The following LINGO2 variants were observed in gnomAD, a reference collection of about 807,000 sequenced individuals.
The protein encoded by LINGO2 is leucine-rich repeat and immunoglobulin-like domain-containing nogo receptor-interacting protein 2.
In LINGO2, 14 loss-of-function variants were observed where a neutral mutation model predicts 30.6. The ratio of observed to expected loss-of-function variants is 0.46; its 90% CI spans 0.30 to 0.72. The LOEUF is 0.72. Among genes scored for constraint, LINGO2 ranks in the 30% least tolerant of loss-of-function variants. LINGO2 has a pLI of 0.07. For synonymous variants in LINGO2, 317 were observed against 288.5 expected, an observed-to-expected ratio of 1.10 and a Z score of -1.00; for missense variants, 729 against 751.7, an observed-to-expected ratio of 0.97 and a Z score of 0.35.
chr9:28,433,949 C>CTCTATATATA (rs1225323260), intron 2 of LINGO2, among the ~76,000 whole-genome samples: 7 of 88,548 alleles, frequency 7.9e-5, no homozygotes, highest in African/African-American at 3.1e-4. Flanking sequence ...CTCTCTCTCT[C>CTCTATATATA]TATATATATA....
intron 3 of LINGO2, among the ~76,000 whole-genome samples, chr9:28,300,976 A>T (rs1333144852): frequency 6.6e-6 from 1 of 151,906 alleles, no homozygotes; most frequent in African/African-American, 2.4e-5. Context: ...CAAACAAAAT[A>T]TAATTATCAT....
the LINGO2 span, among the ~76,000 whole-genome samples, chr9:29,190,507 T>G: frequency 6.6e-6 from 1 of 152,166 alleles, no homozygotes; most frequent in Admixed American, 6.5e-5. Context: ...CTTATTTAGT[T>G]ATTCCCAGTG....
At chr9:28,751,895 T>C in the LINGO2 span, among the ~76,000 whole-genome samples, 3 of 152,016 alleles carry the variant, frequency 2.0e-5, no homozygotes, top group Non-Finnish European at 4.4e-5. Context: ...TGTTTTGCCA[T>C]GAATAATAAT....
the LINGO2 span, among the ~76,000 whole-genome samples, chr9:28,884,918 A>G: frequency 5.7e-4 from 12 of 21,190 alleles, no homozygotes; most frequent in Admixed American, 6.1e-3. Context: ...GTATTTAGAT[A>G]CTATATATAA....
At position 27,950,529 on chromosome 9, in the gene LINGO2, A is replaced by T; in HGVS notation, c.143T>A (p.Leu48Ter). The change falls in exon 6 of 6, where the codon TTG becomes TAG. Residue 48 changes from leucine to a stop codon, truncating the protein, a stop_gained. Transcript: ENST00000379992. LOFTEE classifies it high-confidence loss of function. Reference sequence around the variant, plus strand: ...GGGAATGCCCTCTGGGATGGCGATCAATCGCCTTCTGTGACAGCTAACAGA... The same window carrying T: ...GGGAATGCCCTCTGGGATGGCGATCTATCGCCTTCTGTGACAGCTAACAGA... The T allele has an allele frequency of 6.4e-7, 1 of 1,573,820 alleles. No individual in the cohort carries two copies. The highest frequency in any genetic ancestry group is 8.6e-7 in the Non-Finnish European group (1 of 1,158,714).
chr9:28,844,736 A>G, the LINGO2 span, among the ~76,000 whole-genome samples: 1 of 151,760 alleles, frequency 6.6e-6, no homozygotes, highest in Admixed American at 6.6e-5. Context: ...GAAAGAAGTA[A>G]AGTAGACTAT....
chr9:28,178,279 TATATTA>T (rs1828803707), intron 4 of LINGO2, among the ~76,000 whole-genome samples: 2 of 152,158 alleles, frequency 1.3e-5, no homozygotes, highest in Admixed American at 1.3e-4. Context: ...GCGTATACAT[TATATTA>T]AAATGTCTGG....
intron 2 of LINGO2, among the ~76,000 whole-genome samples, chr9:28,448,454 G>A (rs900682725): frequency 5.3e-5 from 8 of 152,138 alleles, no homozygotes; most frequent in Admixed American, 2.6e-4. Context: ...AAGACAAAAC[G>A]CATGCAAAAG....
At chr9:28,544,874 G>C (rs1398877280) in intron 1 of LINGO2, among the ~76,000 whole-genome samples, 4 of 150,872 alleles carry the variant, frequency 2.7e-5, no homozygotes, top group African/African-American at 9.7e-5. Flanking sequence ...TTTTGAATTG[G>C]GGGAACTTAA....
chr9:28,517,213 C>T (rs1372560719), intron 1 of LINGO2, among the ~76,000 whole-genome samples: 1 of 152,132 alleles, frequency 6.6e-6, no homozygotes, highest in African/African-American at 2.4e-5. Flanking sequence ...CTTAATCCTC[C>T]TATTCTTTTC....
chr9:29,112,214 G>A, the LINGO2 span, among the ~76,000 whole-genome samples: 1 of 141,272 alleles, frequency 7.1e-6, no homozygotes, highest in Non-Finnish European at 1.5e-5. Context: ...TAATTGCTCA[G>A]AGCAATTAAG....
the LINGO2 span, among the ~76,000 whole-genome samples, chr9:28,793,210 A>G: frequency 2.0e-5 from 3 of 152,196 alleles, no homozygotes; most frequent in Non-Finnish European, 4.4e-5. Flanking sequence ...GGAAAAAGAA[A>G]ATGACAAAGT....
intron 3 of LINGO2, among the ~76,000 whole-genome samples, chr9:28,322,736 C>T (rs1282966548): frequency 6.6e-6 from 1 of 152,008 alleles, no homozygotes; most frequent in African/African-American, 2.4e-5. Flanking sequence ...TTTTTTTTAG[C>T]AGCAGAATAT....
chr9:28,462,536 G>T (rs117044519), intron 2 of LINGO2, among the ~76,000 whole-genome samples: 236 of 151,870 alleles, frequency 1.6e-3, no homozygotes, highest in Non-Finnish European at 2.4e-3. Flanking sequence ...GGGAAAAAAT[G>T]GAGTTGTAAA....
chr9:28,036,154 C>T lies in LINGO2; in HGVS notation c.-86-23749G>A, dbSNP rs1457375359. Among the ~76,000 whole-genome samples, 25 of 152,186 alleles carry T rather than the reference C, an allele frequency of 1.6e-4. 1 individual carries two copies. The highest frequency in any genetic ancestry group is 3.7e-4 in the Non-Finnish European group (25 of 68,032). ...AATTATATTAGAAGCCAAACCATCACATATTAAGGACTGTTTTGTGCTCAC... is the reference window on the plus strand; with the variant it reads ...AATTATATTAGAAGCCAAACCATCATATATTAAGGACTGTTTTGTGCTCAC... On this transcript the variant is annotated intron_variant, in intron 4 of 5. Coordinates refer to ENST00000379992, the Ensembl canonical transcript of LINGO2.
intron 4 of LINGO2, among the ~76,000 whole-genome samples, chr9:28,015,051 T>C (rs1039531681): frequency 6.6e-6 from 1 of 152,120 alleles, no homozygotes; most frequent in Non-Finnish European, 1.5e-5. Flanking sequence ...ATATCACATA[T>C]AGCAAAGTTG....
intron 1 of LINGO2, among the ~76,000 whole-genome samples, chr9:28,630,917 G>A (rs887745423): frequency 3.3e-5 from 5 of 151,324 alleles, no homozygotes; most frequent in Admixed American, 2.6e-4. Flanking sequence ...GCCCCATGGA[G>A]AGCATAAAAT....
At chr9:28,698,597 C>T in the LINGO2 span, among the ~76,000 whole-genome samples, 5 of 152,062 alleles carry the variant, frequency 3.3e-5, no homozygotes, top group South Asian at 1.0e-3. Flanking sequence ...ACTAGCTCTA[C>T]AACATGCTAT....
the LINGO2 span, among the ~76,000 whole-genome samples, chr9:28,838,016 G>A: frequency 6.6e-6 from 1 of 151,936 alleles, no homozygotes. Flanking sequence ...GTCAGCAAAG[G>A]AGAAAAAAAT....
Sources: allele counts gnomAD v4.1 joint callset (sites outside exome capture counted in the v4.1 genomes callset), GRCh38; gene constraint gnomAD v4.1.1; transcripts MANE v1.5; gene names NCBI Gene and HGNC (gene_info 2026-07-23, HGNC 2026-07-21).